The following LDLRAD3 variants were observed in gnomAD, a reference collection of about 807,000 sequenced individuals.
LDLRAD3 encodes the protein low-density lipoprotein receptor class A domain-containing protein 3.
In LDLRAD3, 20 loss-of-function variants were observed where a neutral mutation model predicts 29.4. That is an observed-to-expected ratio of 0.68 (90% CI 0.48 to 0.99). The LOEUF (loss-of-function observed/expected upper bound fraction) is 0.99. Among genes scored for constraint, LDLRAD3 ranks in the 50% least tolerant of loss-of-function variants. The pLI, the probability that LDLRAD3 is intolerant of heterozygous loss-of-function variation, is 0.00. For missense variants in LDLRAD3, 420 were observed against 454.3 expected (o/e 0.92, Z 0.69); for synonymous variants, 157 against 192.7 (o/e 0.81, Z 1.53).
intron 1 of LDLRAD3, among the ~76,000 whole-genome samples, chr11:35,982,262 T>G (rs562246841): frequency 6.6e-6 from 1 of 152,282 alleles, no homozygotes; most frequent in South Asian, 2.1e-4. Flanking sequence ...CTGGCACTCT[T>G]TGTCGTTCCT....
chr11:36,143,536 T>G (rs1259084427), intron 4 of LDLRAD3, among the ~76,000 whole-genome samples: 1 of 152,240 alleles, frequency 6.6e-6, no homozygotes, highest in African/African-American at 2.4e-5. Context: ...TCCCACTTCC[T>G]GTTTGAGCCC....
intron 3 of LDLRAD3, among the ~76,000 whole-genome samples, chr11:36,083,871 C>CCATAATTAAAG (rs922592178): frequency 6.6e-6 from 1 of 151,942 alleles, no homozygotes; most frequent in Admixed American, 6.6e-5. Context: ...ATATTCCCTG[C>CCATAATTAAAG]CATAATTAAA....
chr11:36,190,575 A>T (rs1318359817), intron 4 of LDLRAD3, among the ~76,000 whole-genome samples: 1 of 152,178 alleles, frequency 6.6e-6, no homozygotes, highest in Non-Finnish European at 1.5e-5. Flanking sequence ...AACACAAGGA[A>T]ATTGAAAATA....
intron 4 of LDLRAD3, among the ~76,000 whole-genome samples, chr11:36,215,140 A>C (rs537869743): frequency 6.6e-6 from 1 of 152,292 alleles, no homozygotes. Context: ...AGCAGACGGC[A>C]AGGGCCCTGT....
intron 4 of LDLRAD3, among the ~76,000 whole-genome samples, chr11:36,146,773 C>CTTTATTTTATTTTATTTTAT (rs55792933): frequency 0.053 from 7,551 of 143,760 alleles, 286 homozygotes; most frequent in Middle Eastern, 0.09. Context: ...TTTCCCTCTA[C>CTTTATTTTATTTTATTTTAT]TTTATTTTAT....
chr11:36,191,882 A>T (rs765813809), intron 4 of LDLRAD3, among the ~76,000 whole-genome samples: 1 of 152,050 alleles, frequency 6.6e-6, no homozygotes, highest in South Asian at 2.1e-4. Flanking sequence ...TTACTGTCTA[A>T]CTAAGGGGCT....
At chr11:36,122,106 A>G (rs918296016) in intron 4 of LDLRAD3, among the ~76,000 whole-genome samples, 33 of 152,190 alleles carry the variant, frequency 2.2e-4, no homozygotes, top group African/African-American at 7.2e-4. Flanking sequence ...CTCAGAGCCC[A>G]AGCTCTTAAC....
At chr11:36,044,222 A>G (rs1852418999) in intron 2 of LDLRAD3, among the ~76,000 whole-genome samples, 4 of 152,054 alleles carry the variant, frequency 2.6e-5, no homozygotes, top group African/African-American at 9.7e-5. Flanking sequence ...CCTATCCCAG[A>G]GATGTGATAT....
chr11:36,025,334 T>C (rs1360692805), intron 1 of LDLRAD3, among the ~76,000 whole-genome samples: 1 of 152,162 alleles, frequency 6.6e-6, no homozygotes, highest in Non-Finnish European at 1.5e-5. Flanking sequence ...CAAATCCCGC[T>C]GTGTGCCTGC....
At chr11:36,159,602 TAAAAA>T (rs66512652) in intron 4 of LDLRAD3, among the ~76,000 whole-genome samples, 4 of 58,472 alleles carry the variant, frequency 6.8e-5, no homozygotes, top group Admixed American at 4.9e-4. Context: ...TTACAGAAAC[TAAAAA>T]AAAAAAAAAA....
intron 2 of LDLRAD3, among the ~76,000 whole-genome samples, chr11:36,078,381 C>G (rs560292973): frequency 1.3e-5 from 2 of 152,220 alleles, no homozygotes; most frequent in African/African-American, 4.8e-5. Flanking sequence ...TCAGCACCCC[C>G]TTGGTCTCCC....
intron 4 of LDLRAD3, among the ~76,000 whole-genome samples, chr11:36,162,290 C>T (rs1854452041): frequency 6.6e-6 from 1 of 152,190 alleles, no homozygotes; most frequent in South Asian, 2.1e-4. Flanking sequence ...GGATATCAGT[C>T]ACTTCTCCCT....
chr11:36,035,943 C>T (rs148138484), intron 1 of LDLRAD3, among the ~76,000 whole-genome samples, 160 bp from the exon 2 acceptor site: 30 of 152,240 alleles, frequency 2.0e-4, no homozygotes, highest in Non-Finnish European at 3.5e-4. Context: ...TGGACTGGGG[C>T]AGATTATTAG....
intron 1 of LDLRAD3, among the ~76,000 whole-genome samples, chr11:35,982,942 T>C (rs1851561339): frequency 1.3e-5 from 2 of 149,972 alleles, no homozygotes; most frequent in African/African-American, 4.9e-5. Context: ...CAACCTCTGC[T>C]TCCCAGATTC....
intron 3 of LDLRAD3, among the ~76,000 whole-genome samples, chr11:36,086,105 T>C (rs1449273554): frequency 6.6e-6 from 1 of 152,198 alleles, no homozygotes; most frequent in African/African-American, 2.4e-5. Context: ...AAAATTTCTT[T>C]TTGGTTTTCT....
intron 4 of LDLRAD3, among the ~76,000 whole-genome samples, chr11:36,120,290 C>G (rs575771607): frequency 1.3e-5 from 2 of 152,056 alleles, no homozygotes; most frequent in Admixed American, 6.6e-5. Flanking sequence ...CTCTTCTTCA[C>G]TGAGTGACCT....
chr11:36,109,558 C>T (rs1200590935), intron 4 of LDLRAD3, among the ~76,000 whole-genome samples: 1 of 152,092 alleles, frequency 6.6e-6, no homozygotes, highest in African/African-American at 2.4e-5. Flanking sequence ...TCCAGGCCCC[C>T]CACTAGTCTG....
chr11:36,068,390 A>G (rs756899823), intron 2 of LDLRAD3, among the ~76,000 whole-genome samples: 1 of 152,170 alleles, frequency 6.6e-6, no homozygotes, highest in Non-Finnish European at 1.5e-5. Flanking sequence ...TATTTTCACA[A>G]CAGCTTGGGA....
At chr11:36,007,371 G>C (rs1851898180) in intron 1 of LDLRAD3, among the ~76,000 whole-genome samples, 1 of 152,102 alleles carries the variant, frequency 6.6e-6, no homozygotes, top group Admixed American at 6.5e-5. Flanking sequence ...ATATCTACTG[G>C]CCGGTATTGT....
Sources: allele counts gnomAD v4.1 joint callset (sites outside exome capture counted in the v4.1 genomes callset), GRCh38; gene constraint gnomAD v4.1.1; transcripts MANE v1.5; gene names NCBI Gene and HGNC (gene_info 2026-07-23, HGNC 2026-07-21).